The following HS6ST3 variants were observed in gnomAD, a reference collection of about 807,000 sequenced individuals.
HS6ST3 encodes heparan sulfate 6-O-sulfotransferase 3.
In HS6ST3, 12 loss-of-function variants were observed where a neutral mutation model predicts 36.7. The ratio of observed to expected loss-of-function variants is 0.33; its 90% CI spans 0.21 to 0.53. The LOEUF (loss-of-function observed/expected upper bound fraction) is 0.53, where lower values mean the gene tolerates loss of function less well. HS6ST3 is among the 20% of genes least tolerant of loss of function. The pLI is 0.95. For missense variants in HS6ST3, 584 were observed against 640.9 expected (o/e 0.91, Z 0.96); for synonymous variants, 240 against 257.5 (o/e 0.93, Z 0.65).
At chr13:96,380,473 C>G (rs952448456) in intron 1 of HS6ST3, among the ~76,000 whole-genome samples, 2 of 151,948 alleles carry the variant, frequency 1.3e-5, no homozygotes, top group Non-Finnish European at 2.9e-5. Context: ...ACCATGTTAG[C>G]CAGGCTCATC....
chr13:96,370,058 G>A (rs942677515), intron 1 of HS6ST3, among the ~76,000 whole-genome samples: 1 of 152,048 alleles, frequency 6.6e-6, no homozygotes, highest in Admixed American at 6.6e-5. Context: ...TCAATGATTT[G>A]TAACCCTGGC....
chr13:96,427,464 G>C (rs1254070467), intron 1 of HS6ST3, among the ~76,000 whole-genome samples: 1 of 151,948 alleles, frequency 6.6e-6, no homozygotes, highest in East Asian at 1.9e-4. Flanking sequence ...CACTGGTGGT[G>C]TTTTATTAGT....
At position 96,090,145 on chromosome 13, in the gene HS6ST3, T is replaced by C. The variant is rs1327266048; in HGVS notation, c.-718T>C. Among the ~76,000 whole-genome samples, 2 of 151,984 alleles carry C rather than the reference T, an allele frequency of 1.3e-5. No individual in the cohort carries two copies. Among genetic ancestry groups the C allele is most frequent in the African/African-American group, 2.4e-5 (1 of 41,414 alleles). On this transcript the variant is annotated 5_prime_UTR_variant, in exon 1 of 2. Coordinates refer to ENST00000376705, the MANE Select transcript of HS6ST3 (RefSeq NM_153456.4). The stretch of plus-strand genomic sequence containing the variant: ...GGTTGTGGCGGTGCCAGCCTGTGTG[T>C]GCGAGTGTGTCTGCGTGCCTGCGCC...
chr13:96,520,186 A>C (rs2056087581), intron 1 of HS6ST3, among the ~76,000 whole-genome samples: 1 of 152,110 alleles, frequency 6.6e-6, no homozygotes, highest in South Asian at 2.1e-4. Context: ...GTTATTTCTG[A>C]GGCCTCCGTT....
intron 1 of HS6ST3, among the ~76,000 whole-genome samples, chr13:96,335,006 A>G (rs1434956765): frequency 6.6e-6 from 1 of 152,172 alleles, no homozygotes. Context: ...GAACTTAATG[A>G]GCTTAGAAAA....
chr13:96,271,577 C>G (rs2054720327), intron 1 of HS6ST3, among the ~76,000 whole-genome samples: 1 of 151,808 alleles, frequency 6.6e-6, no homozygotes, highest in Non-Finnish European at 1.5e-5. Flanking sequence ...CAACAGAAGC[C>G]ACTTAGATAT....
intron 1 of HS6ST3, among the ~76,000 whole-genome samples, chr13:96,381,414 C>CTATGTATCTATG (rs1470727498): frequency 1.1e-4 from 4 of 36,972 alleles, no homozygotes; most frequent in South Asian, 2.0e-3. Flanking sequence ...ATCTATGTAT[C>CTATGTATCTATG]TATCTATCTA....
intron 1 of HS6ST3, among the ~76,000 whole-genome samples, chr13:96,415,507 T>A (rs1327738693): frequency 6.6e-6 from 1 of 152,258 alleles, no homozygotes; most frequent in African/African-American, 2.4e-5. Context: ...ACGCTGTTTG[T>A]GCTGGTTCTG....
chr13:96,152,295 T>C (rs1234666344), intron 1 of HS6ST3, among the ~76,000 whole-genome samples: 1 of 151,014 alleles, frequency 6.6e-6, no homozygotes, highest in Non-Finnish European at 1.5e-5. Flanking sequence ...TACTAAAGTA[T>C]ATTTCCAACT....
chr13:96,230,216 T>G (rs1028047651), intron 1 of HS6ST3, among the ~76,000 whole-genome samples: 9 of 152,094 alleles, frequency 5.9e-5, no homozygotes, highest in African/African-American at 2.2e-4. Flanking sequence ...AGTGTAATGT[T>G]GAAGATGGAT....
At chr13:96,608,385 C>G (rs1011891830) in intron 1 of HS6ST3, among the ~76,000 whole-genome samples, 2 of 152,212 alleles carry the variant, frequency 1.3e-5, no homozygotes, top group African/African-American at 4.8e-5. Flanking sequence ...GCTAAGATCA[C>G]ATAACACAGA....
intron 1 of HS6ST3, among the ~76,000 whole-genome samples, chr13:96,775,500 A>G (rs375085312): frequency 8.2e-4 from 123 of 150,738 alleles, no homozygotes; most frequent in African/African-American, 2.7e-3. Context: ...TACCAAGCAC[A>G]TGGAAGGCAA....
intron 1 of HS6ST3, among the ~76,000 whole-genome samples, chr13:96,140,257 C>T (rs1387640461): frequency 6.6e-6 from 1 of 152,112 alleles, no homozygotes; most frequent in Non-Finnish European, 1.5e-5. Context: ...ATGAAATTAA[C>T]TGTATATATA....
At chr13:96,602,425 C>T (rs957058166) in intron 1 of HS6ST3, among the ~76,000 whole-genome samples, 4 of 152,060 alleles carry the variant, frequency 2.6e-5, no homozygotes, top group Non-Finnish European at 5.9e-5. Context: ...CTGATTTTGG[C>T]TGGGAAATTC....
chr13:96,437,687 T>C (rs2055649910), intron 1 of HS6ST3, among the ~76,000 whole-genome samples: 1 of 152,232 alleles, frequency 6.6e-6, no homozygotes, highest in South Asian at 2.1e-4. Context: ...CAAAGGTAGA[T>C]TATTATTTCA....
intron 1 of HS6ST3, among the ~76,000 whole-genome samples, chr13:96,637,018 A>G (rs1411559275): frequency 6.6e-6 from 1 of 152,154 alleles, no homozygotes; most frequent in Non-Finnish European, 1.5e-5. Flanking sequence ...TTTAAAAAAA[A>G]AGAATACAAG....
intron 1 of HS6ST3, among the ~76,000 whole-genome samples, chr13:96,512,227 A>G (rs1333634731): frequency 2.0e-5 from 3 of 152,156 alleles, no homozygotes; most frequent in Non-Finnish European, 2.9e-5. Flanking sequence ...AACATTCTCT[A>G]TATAATTATA....
chr13:96,687,649 T>C lies in HS6ST3; in HGVS notation c.708-144841T>C, dbSNP rs533159552. ...TCAGTCTGAGAGGCAGTACACACTATGATCTGTATGTATCTAAACATTATT... is the reference window on the plus strand; with the variant it reads ...TCAGTCTGAGAGGCAGTACACACTACGATCTGTATGTATCTAAACATTATT... On this transcript the variant is annotated intron_variant, in intron 1 of 1. Transcript: ENST00000376705. 3.9e-5 allele frequency among the ~76,000 whole-genome samples: 6 copies of C among 152,120 alleles called. No individual in the cohort carries two copies. In the South Asian group the frequency reaches 1.2e-3, roughly 32 times the overall value.
chr13:96,811,966 G>T (rs1212540559), intron 1 of HS6ST3, among the ~76,000 whole-genome samples: 1 of 152,174 alleles, frequency 6.6e-6, no homozygotes, highest in African/African-American at 2.4e-5. Flanking sequence ...GGTAACGTTA[G>T]AATCAGAGCC....
Sources: gnomAD v4.1 joint callset for allele counts (sites outside exome capture counted in the v4.1 genomes callset) on GRCh38, gnomAD v4.1.1 for gene constraint, MANE v1.5 for transcripts, NCBI Gene and HGNC (gene_info 2026-07-23, HGNC 2026-07-21) for gene names.